Variants in PUM1 observed in about 807,000 individuals in gnomAD.
The protein encoded by PUM1 is pumilio RNA binding family member 1, also known as pumilio homolog 1.
A neutral mutation model predicts 131.8 loss-of-function variants in PUM1; 13 were observed. The ratio of observed to expected loss-of-function variants is 0.10; its 90% confidence interval spans 0.06 to 0.16. PUM1 has a LOEUF of 0.16. Among genes scored for constraint, PUM1 ranks in the 10% least tolerant of loss-of-function variants. PUM1 has a pLI of 1.00. For missense variants in PUM1, 961 were observed against 1,512.4 expected, an observed-to-expected ratio of 0.64 and a Z score of 6.05; for synonymous variants, 509 against 556.5, an observed-to-expected ratio of 0.91 and a Z score of 1.20.
At chr1:31,049,108 G>A (rs998127591) in intron 2 of PUM1, among the ~76,000 whole-genome samples, 5 of 152,248 alleles carry the variant, frequency 3.3e-5, no homozygotes, top group Middle Eastern at 3.4e-3. Context: ...AGGAGGCTGA[G>A]GCAGGAGAAT....
Position 31,059,241 on chromosome 1 carries a change from C to T in PUM1, c.326G>A (p.Arg109Gln). 6.2e-7 allele frequency: 1 copy of T among 1,608,650 alleles called. No individual in the cohort carries two copies. Among genetic ancestry groups the T allele is most frequent in the Non-Finnish European group, 8.5e-7 (1 of 1,177,644 alleles). The change falls in exon 2 of 22, where the codon CGA becomes CAA. Residue 109 changes from arginine to glutamine, a missense_variant. Physicochemically the swap from Arg to Gln is conservative, Grantham distance 43. Coordinates refer to ENST00000426105, the MANE Select transcript of PUM1 (RefSeq NM_001020658.2). ...ATGAATGTTATCCCCAGTAGGCCATCGATGTTTGCTATTATTATAGCCGCC... is the reference window on the plus strand; with the variant it reads ...ATGAATGTTATCCCCAGTAGGCCATTGATGTTTGCTATTATTATAGCCGCC... ...GGGGYNNSKH[R>Q]WPTGDNIHAE... is the part of the protein sequence containing the mutation.
Position 30,968,342 on chromosome 1 carries a change from A to C in PUM1, c.1645+12T>G. ...CCCTGCCAAAGTATTAGGAATAACA[A>C]TGCAGCCGCACCTGGCATGCCTGCT... On this transcript the variant is annotated intron_variant, in intron 11 of 21. Transcript: ENST00000426105. The C allele has an allele frequency of 6.3e-7, 1 of 1,585,328 alleles. No individual in the cohort carries two copies. The highest frequency in any genetic ancestry group is 8.6e-7 in the Non-Finnish European group (1 of 1,161,740).
At position 30,932,525 on chromosome 1, in the gene PUM1, C is replaced by T. The variant is rs959720283; in HGVS notation, c.*686G>A. 6 of 151,890 alleles carry T rather than the reference C, an allele frequency of 4.0e-5. No homozygotes were observed. The highest frequency in any genetic ancestry group is 1.4e-4 in the African/African-American group (6 of 41,460). The allele number at this position is 151,890 out of a possible 1,614,324, so 9.4% of individuals were successfully genotyped here. ...AAGACGTTCTGGGTGCTCGCATCTC[C>T]TCCTCACGAACAGCCTTCTTCAGCA... On this transcript the variant is annotated 3_prime_UTR_variant, in exon 22 of 22. Transcript: ENST00000426105.
At chr1:30,995,478 TCTTC>T (rs1267406319) in intron 5 of PUM1, among the ~76,000 whole-genome samples, 1 of 152,144 alleles carries the variant, frequency 6.6e-6, no homozygotes, top group African/African-American at 2.4e-5. Flanking sequence ...CAACCCATTT[TCTTC>T]CTTCCTTTTT....
At chr1:31,048,888 T>C (rs1644037430) in intron 2 of PUM1, among the ~76,000 whole-genome samples, 2 of 152,192 alleles carry the variant, frequency 1.3e-5, no homozygotes, top group African/African-American at 4.8e-5. Context: ...CCACCTATCA[T>C]ACAATTTTAC....
Position 31,033,020 on chromosome 1 carries a change from C to T in PUM1, c.364-4156G>A, listed in dbSNP as rs910425470. 4.0e-5 allele frequency among the ~76,000 whole-genome samples: 6 copies of T among 151,078 alleles called. No homozygotes were observed. The South Asian group carries it at 1.0e-3, about 26-fold the overall frequency. ...ACTCGGGAGGCCGAGGCAGGAGAAT[C>T]GCTTGAATCCTGTCTCTAAAAAAAA... On this transcript the variant is annotated intron_variant, in intron 2 of 21. Coordinates refer to ENST00000426105, the MANE Select transcript of PUM1 (RefSeq NM_001020658.2).
At chr1:31,005,785 G>GAA in intron 5 of PUM1, 68 bp downstream of exon 5, 7 of 1,383,420 alleles carry the variant, frequency 5.1e-6, no homozygotes, top group South Asian at 1.5e-5. Flanking sequence ...TGCTTTAGGG[G>GAA]AAAAAAAGAG....
chr1:31,020,567 C>T (rs1307576656), intron 3 of PUM1, among the ~76,000 whole-genome samples: 2 of 152,160 alleles, frequency 1.3e-5, no homozygotes, highest in African/African-American at 4.8e-5. Flanking sequence ...TAGATTGCTT[C>T]ATGACCCCCT....
intron 7 of PUM1, among the ~76,000 whole-genome samples, chr1:30,982,632 T>C (rs1299529455): frequency 6.6e-6 from 1 of 152,232 alleles, no homozygotes; most frequent in African/African-American, 2.4e-5. Flanking sequence ...GATGTCCTCA[T>C]AAAGAGACCT....
At chr1:30,942,215 A>ATG (rs1639477820) in intron 18 of PUM1, 92 bp from the exon 19 acceptor site, 1 of 174,940 alleles carries the variant, frequency 5.7e-6, no homozygotes, top group African/African-American at 3.3e-5. Flanking sequence ...ATATATATAT[A>ATG]TATATATATA....
intron 2 of PUM1, among the ~76,000 whole-genome samples, chr1:31,033,215 T>C (rs1643493086): frequency 6.7e-6 from 1 of 148,582 alleles, no homozygotes; most frequent in African/African-American, 2.5e-5. Flanking sequence ...GATTTTTCCT[T>C]TTTTTTTTTG....
At chr1:30,939,089 A>G (rs1639340823) in intron 20 of PUM1, among the ~76,000 whole-genome samples, 1 of 152,224 alleles carries the variant, frequency 6.6e-6, no homozygotes, top group South Asian at 2.1e-4. Context: ...TAATTCCAAT[A>G]ACTGGGTCAT....
intron 3 of PUM1, among the ~76,000 whole-genome samples, chr1:31,016,432 C>T (rs1455940814): frequency 6.6e-6 from 1 of 152,096 alleles, no homozygotes; most frequent in African/African-American, 2.4e-5. Flanking sequence ...TTCACCTTCT[C>T]TTTCAGTGAA....
intron 9 of PUM1, among the ~76,000 whole-genome samples, chr1:30,979,585 C>T (rs1641277955): frequency 6.6e-6 from 1 of 151,054 alleles, no homozygotes. Context: ...GTATGACATA[C>T]TAGGGTAGAA....
chr1:31,015,675 TC>T (rs1642790131), intron 3 of PUM1, among the ~76,000 whole-genome samples: 2 of 148,790 alleles, frequency 1.3e-5, no homozygotes, highest in African/African-American at 2.5e-5. Context: ...TCTTTTTTTT[TC>T]TTTTTTTTTT....
At chr1:31,025,084 T>C (rs1643173292) in intron 3 of PUM1, among the ~76,000 whole-genome samples, 1 of 152,232 alleles carries the variant, frequency 6.6e-6, no homozygotes, top group South Asian at 2.1e-4. Flanking sequence ...CTAAGATCTT[T>C]TCCTATCTTC....
intron 3 of PUM1, among the ~76,000 whole-genome samples, chr1:31,018,545 CT>C (rs1642906963): frequency 1.3e-5 from 2 of 152,076 alleles, no homozygotes; most frequent in Admixed American, 1.3e-4. Context: ...GTAGTCCCTG[CT>C]ACTTGGGAGG....
chr1:31,055,770 G>A (rs543723600), intron 2 of PUM1, among the ~76,000 whole-genome samples: 23 of 152,246 alleles, frequency 1.5e-4, no homozygotes, highest in Admixed American at 1.4e-3. Flanking sequence ...TTCAATAAAC[G>A]CTTCTTAACT....
intron 2 of PUM1, among the ~76,000 whole-genome samples, chr1:31,040,041 T>C (rs901361728): frequency 6.6e-6 from 1 of 152,176 alleles, no homozygotes; most frequent in Non-Finnish European, 1.5e-5. Context: ...TGTCTTATCA[T>C]TGAGAATTCT....
Sources: allele counts gnomAD v4.1 joint callset (sites outside exome capture counted in the v4.1 genomes callset), GRCh38; gene constraint gnomAD v4.1.1; transcripts MANE v1.5; gene names NCBI Gene and HGNC (gene_info 2026-07-23, HGNC 2026-07-21).